The following PRR16 variants were observed in gnomAD, a reference collection of about 807,000 sequenced individuals.
PRR16 encodes the protein protein Largen.
In PRR16, 6 loss-of-function variants were observed where a neutral mutation model predicts 18.2. The ratio of observed to expected loss-of-function variants is 0.33; its 90% CI spans 0.18 to 0.65. The LOEUF (loss-of-function observed/expected upper bound fraction) is 0.65, where lower values mean the gene tolerates loss of function less well. Ranked by LOEUF, PRR16 falls within the 30% of genes least tolerant of loss-of-function variation. PRR16 has a pLI of 0.74. For missense variants in PRR16, 412 were observed against 376.6 expected (o/e 1.09, Z -0.78); for synonymous variants, 151 against 147.8 (o/e 1.02, Z -0.16).
At chr5:120,493,399 T>C (rs1489048435) in intron 1 of PRR16, among the ~76,000 whole-genome samples, 1 of 152,186 alleles carries the variant, frequency 6.6e-6, no homozygotes, top group African/African-American at 2.4e-5. Flanking sequence ...GCATCGCTTT[T>C]ACACTTTTTT....
chr5:120,690,355 T>C (rs150866492), downstream of PRR16, among the ~76,000 whole-genome samples: 104 of 152,278 alleles, frequency 6.8e-4, no homozygotes, highest in African/African-American at 2.4e-3. Context: ...GAATTTTTTT[T>C]CCATGGATTC....
At chr5:120,613,845 A>T (rs1754416410) in intron 1 of PRR16, among the ~76,000 whole-genome samples, 1 of 152,234 alleles carries the variant, frequency 6.6e-6, no homozygotes, top group African/African-American at 2.4e-5. Context: ...TCTGCTGTTT[A>T]GCCTAAGAGC....
At chr5:120,611,419 TC>T (rs1754329000) in intron 1 of PRR16, among the ~76,000 whole-genome samples, 1 of 152,116 alleles carries the variant, frequency 6.6e-6, no homozygotes, top group Non-Finnish European at 1.5e-5. Context: ...GCCCCTGCCA[TC>T]ACAGGCCCAG....
At chr5:120,644,369 T>G (rs1235635208) in intron 1 of PRR16, among the ~76,000 whole-genome samples, 1 of 152,118 alleles carries the variant, frequency 6.6e-6, no homozygotes, top group African/African-American at 2.4e-5. Context: ...AATGCCCAAG[T>G]ATGTTAAGAA....
At chr5:120,696,651 T>A in the PRR16 span, among the ~76,000 whole-genome samples, 2 of 152,194 alleles carry the variant, frequency 1.3e-5, no homozygotes, top group Non-Finnish European at 2.9e-5. Context: ...GAAGATGGAC[T>A]GCTACAAAGT....
At chr5:120,537,961 A>G (rs1751780751) in intron 1 of PRR16, among the ~76,000 whole-genome samples, 1 of 151,366 alleles carries the variant, frequency 6.6e-6, no homozygotes, top group African/African-American at 2.4e-5. Context: ...TATTTTTAGT[A>G]GAGACGGGGT....
chr5:120,653,816 C>T (rs767151813), intron 1 of PRR16, among the ~76,000 whole-genome samples: 1 of 151,984 alleles, frequency 6.6e-6, no homozygotes, highest in Non-Finnish European at 1.5e-5. Flanking sequence ...TCATGATGAC[C>T]TGCCTGCACA....
the PRR16 span, among the ~76,000 whole-genome samples, chr5:120,789,740 A>G: frequency 6.6e-6 from 1 of 152,112 alleles, no homozygotes; most frequent in Non-Finnish European, 1.5e-5. Context: ...TTAAATTTTG[A>G]TAACTAAGTT....
chr5:120,742,313 T>G, the PRR16 span, among the ~76,000 whole-genome samples: 1 of 150,724 alleles, frequency 6.6e-6, no homozygotes, highest in Non-Finnish European at 1.5e-5. Flanking sequence ...TTTTATAGTT[T>G]AGATGTCTGT....
At chr5:120,567,322 A>T (rs1752768785) in intron 1 of PRR16, among the ~76,000 whole-genome samples, 1 of 152,010 alleles carries the variant, frequency 6.6e-6, no homozygotes, top group South Asian at 2.1e-4. Context: ...CTCTGATAGG[A>T]CTTCTTATCT....
intron 1 of PRR16, among the ~76,000 whole-genome samples, chr5:120,570,339 A>T (rs904625075): frequency 1.3e-5 from 2 of 152,092 alleles, no homozygotes; most frequent in Non-Finnish European, 2.9e-5. Context: ...AAGGGAATTT[A>T]TCAAGAAAAA....
At chr5:120,487,421 C>T (rs1408527104) in intron 1 of PRR16, among the ~76,000 whole-genome samples, 7 of 152,074 alleles carry the variant, frequency 4.6e-5, no homozygotes, top group East Asian at 3.9e-4. Context: ...TGTGAATGGG[C>T]GTTCACTCAT....
chr5:120,786,092 T>A, the PRR16 span, among the ~76,000 whole-genome samples: 1 of 151,662 alleles, frequency 6.6e-6, no homozygotes, highest in Non-Finnish European at 1.5e-5. Flanking sequence ...GCTTTTGTTT[T>A]TTTTTTTTGG....
intron 1 of PRR16, among the ~76,000 whole-genome samples, chr5:120,589,529 A>G (rs371105872): frequency 6.6e-6 from 1 of 152,290 alleles, no homozygotes; most frequent in African/African-American, 2.4e-5. Flanking sequence ...GCTGATAAAG[A>G]CATACTGAGA....
intron 1 of PRR16, among the ~76,000 whole-genome samples, chr5:120,667,163 C>T (rs561857875): frequency 3.2e-4 from 49 of 152,226 alleles, no homozygotes; most frequent in Non-Finnish European, 5.6e-4. Context: ...TTCAGAGATT[C>T]AACTTCTTCC....
At chr5:120,663,913 T>C (rs1247515889) in intron 1 of PRR16, among the ~76,000 whole-genome samples, 1 of 152,140 alleles carries the variant, frequency 6.6e-6, no homozygotes, top group Admixed American at 6.6e-5. Context: ...TATTGTTTAC[T>C]GATAATAAAT....
intron 1 of PRR16, among the ~76,000 whole-genome samples, chr5:120,563,116 T>A (rs553195572): frequency 6.6e-5 from 10 of 152,194 alleles, no homozygotes; most frequent in Admixed American, 1.3e-4. Context: ...CTTTATTTCT[T>A]CTTCATGCTT....
At chr5:120,775,105 GAAAC>G in the PRR16 span, among the ~76,000 whole-genome samples, 1 of 152,044 alleles carries the variant, frequency 6.6e-6, no homozygotes, top group South Asian at 2.1e-4. Flanking sequence ...TTTATTAACA[GAAAC>G]AATATCAACA....
the PRR16 span, among the ~76,000 whole-genome samples, chr5:120,696,966 A>T: frequency 1.3e-5 from 1 of 76,908 alleles, no homozygotes; most frequent in Non-Finnish European, 2.7e-5. Flanking sequence ...TTAAAATTTG[A>T]CCTGAACCAA....
Sources: gnomAD v4.1 joint callset for allele counts (sites outside exome capture counted in the v4.1 genomes callset) on GRCh38, gnomAD v4.1.1 for gene constraint, MANE v1.5 for transcripts, NCBI Gene and HGNC (gene_info 2026-07-23, HGNC 2026-07-21) for gene names.